TEAD3: variants seen among roughly 807,000 people sequenced by gnomAD.
TEAD3 encodes the protein TEA domain transcription factor 3.
TEAD3 carries 15 observed loss-of-function variants against 55.6 expected under a neutral mutation model. The ratio of observed to expected loss-of-function variants is 0.27; its 90% confidence interval spans 0.18 to 0.42. The LOEUF is 0.42. TEAD3 is among the 10% of genes least tolerant of loss of function. The pLI is 1.00. For synonymous variants in TEAD3, 210 were observed against 232.2 expected (o/e 0.90, Z 0.87); for missense variants, 407 against 576.8 (o/e 0.71, Z 3.01).
intron 5 of TEAD3, among the ~76,000 whole-genome samples, chr6:35,478,795 A>G (rs1344882388): frequency 6.6e-6 from 1 of 151,706 alleles, no homozygotes; most frequent in Non-Finnish European, 1.5e-5. Flanking sequence ...GACCACAACC[A>G]CAGTAAGAAA....
chr6:35,476,534 C>T (rs1768152527), intron 8 of TEAD3, 99 bp from the exon 9 acceptor site: 1 of 1,511,270 alleles, frequency 6.6e-7, no homozygotes, highest in Non-Finnish European at 9.0e-7. Context: ...TGGGAAGGAA[C>T]ATGAGTTGGA....
rs918360089 is a variant in TEAD3 at position 35,488,250 on chromosome 6, G to A, written c.-49-1539C>T. On this transcript the variant is annotated intron_variant, in intron 1 of 12. Coordinates refer to ENST00000639578, the Ensembl canonical transcript of TEAD3. This position sits in a 1 kb window ranked among gnomAD's most constrained non-coding sequence, Gnocchi z 4.2. ...GCACCTCCAGGCCCCACAGCAGCCC[G>A]TAAACCACCAACACGCCCGCCCCCG... 7.9e-5 allele frequency among the ~76,000 whole-genome samples: 12 copies of A among 152,018 alleles called. No homozygotes were observed. The highest frequency in any genetic ancestry group is 3.9e-4 in the East Asian group (2 of 5,180).
rs1581725955 is a variant in TEAD3, at chr6:35,484,690, A to C, written c.203-66T>G. ...GTGGAGCCAGAGGCTGGAGGCCCCC[A>C]CCCCACCGGGAAGCCACTCCAGGAC... is the stretch of plus-strand genomic sequence containing the variant. On this transcript the variant is annotated intron_variant, in intron 2 of 12. Transcript: ENST00000639578. The surrounding 1 kb of genome is among the most constrained non-coding windows in gnomAD (Gnocchi z 5.8). 60 of 1,449,940 alleles carry C rather than the reference A, an allele frequency of 4.1e-5. No individual in the cohort carries two copies. Among genetic ancestry groups the C allele is most frequent in the Admixed American group, 2.0e-5 (1 of 50,798 alleles). The allele number at this position is 1,449,940 out of a possible 1,614,324, so 89.8% of individuals were successfully genotyped here. A position where few individuals can be genotyped will look rare whatever the true frequency, so the allele number is the denominator to read the frequency against.
chr6:35,476,054 G>T (rs957631658), exon 10 of TEAD3: 1 of 1,543,428 alleles, frequency 6.5e-7, no homozygotes, highest in African/African-American at 1.4e-5. Context: ...AGAAGGCGGG[G>T]TTCGTCTGGC....
At chr6:35,490,824 T>C (rs1032619992) in intron 1 of TEAD3, among the ~76,000 whole-genome samples, 4 of 152,106 alleles carry the variant, frequency 2.6e-5, no homozygotes, top group Non-Finnish European at 5.9e-5. Context: ...TGTGGGACTC[T>C]GGCTTGGTGG....
rs1170248322 is a variant in TEAD3, at chr6:35,496,431, C to T, written c.-50+467G>A. ...AGAAACCGGCCTGGGCGCTGGGAGG[C>T]CGGGCCCGAGGCCTGCGTGGAGCTG... is the stretch of plus-strand genomic sequence containing the variant. On this transcript the variant is annotated intron_variant, in intron 1 of 12. Transcript: ENST00000639578. This position sits in a 1 kb window ranked among gnomAD's most constrained non-coding sequence, Gnocchi z 4.8. 6.6e-6 allele frequency among the ~76,000 whole-genome samples: 1 copy of T among 152,078 alleles called. No individual in the cohort carries two copies. The highest frequency in any genetic ancestry group is 1.5e-5 in the Non-Finnish European group (1 of 68,010).
chr6:35,488,331 C>T lies in TEAD3; in HGVS notation c.-49-1620G>A, dbSNP rs1768432187. Reference sequence around the variant, plus strand: ...TCTGTAAACTGTGAGTGCCCTGAACCTGCCAGGCTATTAATTTGGACCACA... The same window carrying T: ...TCTGTAAACTGTGAGTGCCCTGAACTTGCCAGGCTATTAATTTGGACCACA... On this transcript the variant is annotated intron_variant, in intron 1 of 12. Transcript: ENST00000639578. The surrounding 1 kb of genome is among the most constrained non-coding windows in gnomAD (Gnocchi z 4.2). Among the ~76,000 whole-genome samples, 1 of 152,134 alleles carries T rather than the reference C, an allele frequency of 6.6e-6. No individual in the cohort carries two copies. Among genetic ancestry groups the T allele is most frequent in the Admixed American group, 6.6e-5 (1 of 15,266 alleles).
intron 1 of TEAD3, among the ~76,000 whole-genome samples, chr6:35,493,465 C>T (rs894947275): frequency 6.6e-6 from 1 of 152,174 alleles, no homozygotes; most frequent in African/African-American, 2.4e-5. Flanking sequence ...ACAGCGCCAG[C>T]ATCAGTCACG....
Position 35,484,684 on chromosome 6 carries a change from G to A in TEAD3, c.203-60C>T, listed in dbSNP as rs1011271892. On this transcript the variant is annotated intron_variant, in intron 2 of 12. Coordinates refer to ENST00000639578, the Ensembl canonical transcript of TEAD3. This position sits in a 1 kb window ranked among gnomAD's most constrained non-coding sequence, Gnocchi z 5.8. ...CAAAGGGTGGAGCCAGAGGCTGGAGGCCCCCACCCCACCGGGAAGCCACTC... is the reference window on the plus strand; with the variant it reads ...CAAAGGGTGGAGCCAGAGGCTGGAGACCCCCACCCCACCGGGAAGCCACTC... 9 of 1,481,132 alleles carry A rather than the reference G, an allele frequency of 6.1e-6. No homozygotes were observed. Among genetic ancestry groups the A allele is most frequent in the Non-Finnish European group, 7.4e-6 (8 of 1,082,854 alleles). The allele number at this position is 1,481,132 out of a possible 1,614,324, so 91.7% of individuals were successfully genotyped here.
At chr6:35,487,058 G>C (rs78639142) in intron 1 of TEAD3, among the ~76,000 whole-genome samples, 2 of 152,294 alleles carry the variant, frequency 1.3e-5, no homozygotes, top group Non-Finnish European at 2.9e-5. Context: ...ATAGGTAATC[G>C]GTAACAACAA....
intron 1 of TEAD3, among the ~76,000 whole-genome samples, chr6:35,494,023 G>A (rs11758653): frequency 0.045 from 6,815 of 152,274 alleles, 211 homozygotes; most frequent in Middle Eastern, 0.085. Flanking sequence ...TTATGGACGT[G>A]TATATCTGTC....
At chr6:35,476,492 A>G in intron 8 of TEAD3, 57 bp from the exon 9 acceptor site, 1 of 1,596,302 alleles carries the variant, frequency 6.3e-7, no homozygotes, top group South Asian at 1.1e-5. Flanking sequence ...CTTACTGACA[A>G]AGCTGCCCCC....
chr6:35,479,420 T>C (rs142999715), intron 4 of TEAD3, 104 bp from the exon 5 acceptor site: 4 of 1,449,584 alleles, frequency 2.8e-6, no homozygotes, highest in Admixed American at 3.5e-5. Context: ...CCATGGGTTT[T>C]AGCTTCCGAG....
At position 35,496,809 on chromosome 6, in the gene TEAD3, C is replaced by T. The variant is rs917992239; in HGVS notation, c.-50+89G>A. The T allele has an allele frequency of 7.1e-6, 1 of 140,850 alleles. No individual in the cohort carries two copies. The highest frequency in any genetic ancestry group is 1.6e-5 in the Non-Finnish European group (1 of 61,550). The allele number at this position is 140,850 out of a possible 1,614,324, so 8.7% of individuals were successfully genotyped here. A position where few individuals can be genotyped will look rare whatever the true frequency, so the allele number is the denominator to read the frequency against. On this transcript the variant is annotated intron_variant, in intron 1 of 12. Transcript: ENST00000639578. This position sits in a 1 kb window ranked among gnomAD's most constrained non-coding sequence, Gnocchi z 4.8. ...GACAATAGCTCGGGGACCCAGTCCC[C>T]CTCGAGTGTCGCCCCCCCAGCCAGC...
Position 35,486,573 on chromosome 6 carries a change from A to G in TEAD3, c.90T>C (p.Asp30=). ...TGTCCGGGCTCCACACGCCCTCCGC[A>G]TCGTTGTCCAGCCCCTTGTCCAGGC... The change falls in exon 2 of 13, where the codon GAT becomes GAC. Residue 30 remains aspartate (D), a synonymous_variant. Coordinates refer to ENST00000639578, the Ensembl canonical transcript of TEAD3. The surrounding 1 kb of genome is among the most constrained non-coding windows in gnomAD (Gnocchi z 7.3). 1 of 1,613,522 alleles carries G rather than the reference A, an allele frequency of 6.2e-7. No individual in the cohort carries two copies. The highest frequency in any genetic ancestry group is 8.5e-7 in the Non-Finnish European group (1 of 1,179,762).
At chr6:35,489,258 C>T (rs1768453105) in intron 1 of TEAD3, among the ~76,000 whole-genome samples, 1 of 152,130 alleles carries the variant, frequency 6.6e-6, no homozygotes, top group Admixed American at 6.5e-5. Flanking sequence ...ATTATTATTC[C>T]TAGTTTATAG....
At chr6:35,478,351 G>T in intron 6 of TEAD3, 27 bp from the exon 7 acceptor site, 1 of 1,613,710 alleles carries the variant, frequency 6.2e-7, no homozygotes, top group Non-Finnish European at 8.5e-7. Flanking sequence ...AGGCCCAGGG[G>T]CCCCTCAGCA....
Position 35,491,596 on chromosome 6 carries a change from G to A in TEAD3, c.-49-4885C>T, listed in dbSNP as rs1768520636. ...CTCAGAACCCCTCCCATCTGCCTCT[G>A]CAGAGGAGTCCTGTTGTACCTGTCC... On this transcript the variant is annotated intron_variant, in intron 1 of 12. Transcript: ENST00000639578. The surrounding 1 kb of genome is among the most constrained non-coding windows in gnomAD (Gnocchi z 4.4). Among the ~76,000 whole-genome samples, 1 of 152,154 alleles carries A rather than the reference G, an allele frequency of 6.6e-6. No individual in the cohort carries two copies. The highest frequency in any genetic ancestry group is 1.5e-5 in the Non-Finnish European group (1 of 68,004).
chr6:35,477,763 A>C (rs1018213054), intron 7 of TEAD3, among the ~76,000 whole-genome samples: 1 of 152,030 alleles, frequency 6.6e-6, no homozygotes, highest in African/African-American at 2.4e-5. Flanking sequence ...GAGATGGATG[A>C]CAAGTGGATG....
Sources: gnomAD v4.1 joint callset for allele counts (sites outside exome capture counted in the v4.1 genomes callset) on GRCh38, gnomAD v4.1.1 for gene constraint, Gnocchi (gnomAD v3.1) non-coding constraint, MANE v1.5 for transcripts, NCBI Gene and HGNC (gene_info 2026-07-23, HGNC 2026-07-21) for gene names.